The following GRM7 variants were observed in gnomAD, a reference collection of about 807,000 sequenced individuals.
GRM7 encodes the protein metabotropic glutamate receptor 7.
GRM7 carries 35 observed loss-of-function variants against 84.5 expected under a neutral mutation model. The ratio of observed to expected loss-of-function variants is 0.41; its 90% confidence interval spans 0.32 to 0.55. The LOEUF (loss-of-function observed/expected upper bound fraction) is 0.55. Ranked by LOEUF, GRM7 falls within the 20% of genes least tolerant of loss-of-function variation. GRM7 has a pLI of 0.19. For synonymous variants in GRM7, 487 were observed against 455.1 expected, an observed-to-expected ratio of 1.07 and a Z score of -0.89; for missense variants, 1,003 against 1,194.6, an observed-to-expected ratio of 0.84 and a Z score of 2.36.
intron 1 of GRM7, among the ~76,000 whole-genome samples, chr3:6,943,059 G>A (rs2125058883): frequency 1.3e-5 from 2 of 152,090 alleles, no homozygotes; most frequent in East Asian, 3.9e-4. Flanking sequence ...TTTTTGGTAA[G>A]TTGGTTCCTT....
At chr3:6,947,261 A>C (rs1293968170) in intron 1 of GRM7, among the ~76,000 whole-genome samples, 1 of 152,150 alleles carries the variant, frequency 6.6e-6, no homozygotes, top group African/African-American at 2.4e-5. Flanking sequence ...TTTTAGCATG[A>C]AGGGTTGTTG....
intron 1 of GRM7, among the ~76,000 whole-genome samples, chr3:7,007,623 T>A (rs1695227702): frequency 6.6e-6 from 1 of 152,152 alleles, no homozygotes; most frequent in African/African-American, 2.4e-5. Flanking sequence ...AGTTGCCAAC[T>A]CCTGTCTGAG....
intron 2 of GRM7, among the ~76,000 whole-genome samples, chr3:7,298,138 A>G (rs74592669): frequency 0.023 from 3,492 of 152,202 alleles, 142 homozygotes; most frequent in African/African-American, 0.079. Flanking sequence ...GTTGTCAATA[A>G]GTGTTTGTTG....
chr3:6,904,870 A>T (rs1389176026), intron 1 of GRM7, among the ~76,000 whole-genome samples: 1 of 151,896 alleles, frequency 6.6e-6, no homozygotes, highest in Non-Finnish European at 1.5e-5. Context: ...ACAGGCACAT[A>T]GCACCCTCCT....
chr3:7,554,039 T>C (rs113780169), intron 7 of GRM7, among the ~76,000 whole-genome samples: 128 of 152,264 alleles, frequency 8.4e-4, no homozygotes, highest in African/African-American at 2.7e-3. Flanking sequence ...CAGTGCAGCG[T>C]TCTAGTGCCC....
At chr3:7,175,381 G>T (rs540598608) in intron 2 of GRM7, among the ~76,000 whole-genome samples, 1 of 152,312 alleles carries the variant, frequency 6.6e-6, no homozygotes, top group African/African-American at 2.4e-5. Flanking sequence ...AAGATTGGCT[G>T]ACTCCATTGT....
intron 1 of GRM7, among the ~76,000 whole-genome samples, chr3:6,902,882 C>CAA (rs60680312): frequency 6.7e-6 from 1 of 150,286 alleles, no homozygotes; most frequent in Non-Finnish European, 1.5e-5. Flanking sequence ...CACACACACA[C>CAA]CCCTACTCTA....
chr3:7,670,450 A>T (rs146293172), intron 8 of GRM7, among the ~76,000 whole-genome samples: 2 of 152,366 alleles, frequency 1.3e-5, no homozygotes, highest in Non-Finnish European at 2.9e-5. Context: ...AGATAAGAAC[A>T]TACTTTGTTT....
chr3:7,065,748 G>C (rs550212915), intron 1 of GRM7, among the ~76,000 whole-genome samples: 8 of 151,754 alleles, frequency 5.3e-5, no homozygotes, highest in East Asian at 3.9e-4. Context: ...TCTTCAGATG[G>C]AGATTGCATT....
intron 7 of GRM7, among the ~76,000 whole-genome samples, chr3:7,494,653 T>C (rs1376535480): frequency 6.6e-6 from 1 of 152,180 alleles, no homozygotes; most frequent in Admixed American, 6.6e-5. Flanking sequence ...CAGTCTGTTG[T>C]CTGTTTTTAC....
In GRM7 at chr3:7,593,167, G is replaced by A. The variant is rs1041317933; in HGVS notation, c.2451+13810G>A. Among the ~76,000 whole-genome samples, 14 of 152,144 alleles carry A rather than the reference G, an allele frequency of 9.2e-5. 1 individual carries two copies. The East Asian group carries it at 2.7e-3, about 29-fold the overall frequency. On this transcript the variant is annotated intron_variant, in intron 8 of 9. Transcript: ENST00000357716. ...GATGAGATCATTGCTTCTGGCAATT[G>A]CCTCACCAAATTTCTCCTTTTGGTA...
At chr3:6,998,226 AG>A (rs1252791782) in intron 1 of GRM7, among the ~76,000 whole-genome samples, 5 of 151,848 alleles carry the variant, frequency 3.3e-5, no homozygotes, top group Admixed American at 6.6e-5. Context: ...ACCAAAACAA[AG>A]GGGCTACAGG....
intron 4 of GRM7, among the ~76,000 whole-genome samples, chr3:7,354,821 G>A (rs767992363): frequency 9.9e-5 from 15 of 152,270 alleles, no homozygotes; most frequent in East Asian, 7.7e-4. Context: ...AACAAATGCC[G>A]TTTGCTCCAT....
chr3:7,219,192 A>G (rs1269422408), intron 2 of GRM7, among the ~76,000 whole-genome samples: 2 of 152,142 alleles, frequency 1.3e-5, no homozygotes, highest in Non-Finnish European at 2.9e-5. Context: ...CTTAGTTAAA[A>G]GGTCTTTCTA....
At chr3:7,475,861 C>T (rs1264356203) in intron 7 of GRM7, among the ~76,000 whole-genome samples, 1 of 152,148 alleles carries the variant, frequency 6.6e-6, no homozygotes, top group African/African-American at 2.4e-5. Flanking sequence ...GGTCTCTGCT[C>T]TATATTTAAA....
chr3:7,110,368 A>G (rs549672456), intron 1 of GRM7, among the ~76,000 whole-genome samples: 4 of 152,250 alleles, frequency 2.6e-5, no homozygotes, highest in African/African-American at 9.6e-5. Flanking sequence ...TGGGAGGCCA[A>G]GGTGGGTGTA....
chr3:7,530,526 T>G (rs1432486347), intron 7 of GRM7, among the ~76,000 whole-genome samples: 1 of 152,198 alleles, frequency 6.6e-6, no homozygotes, highest in East Asian at 1.9e-4. Flanking sequence ...CACACTGTCT[T>G]CCACAATGGT....
At chr3:7,514,925 T>G (rs1265992117) in intron 7 of GRM7, among the ~76,000 whole-genome samples, 3 of 150,614 alleles carry the variant, frequency 2.0e-5, no homozygotes, top group Non-Finnish European at 4.4e-5. Context: ...TTAGCTGGAT[T>G]TTTTTTTTTC....
chr3:7,385,367 C>T (rs1694746220), intron 4 of GRM7, among the ~76,000 whole-genome samples: 1 of 123,552 alleles, frequency 8.1e-6, no homozygotes, highest in Admixed American at 1.1e-4. Context: ...GTGGCGTGAT[C>T]TTGGCTCACT....
Sources: gnomAD v4.1 joint callset for allele counts (sites outside exome capture counted in the v4.1 genomes callset) on GRCh38, gnomAD v4.1.1 for gene constraint, MANE v1.5 for transcripts, NCBI Gene and HGNC (gene_info 2026-07-23, HGNC 2026-07-21) for gene names.